Variants in COL5A3 observed in about 807,000 individuals in gnomAD.
COL5A3 encodes the protein collagen type V alpha 3 chain.
Under a neutral mutation model 250.0 loss-of-function variants are expected in COL5A3, and 172 were observed. The observed-to-expected ratio is 0.69, with a 90% confidence interval of 0.61 to 0.78. The LOEUF (loss-of-function observed/expected upper bound fraction) is 0.78, where lower values mean the gene tolerates loss of function less well. COL5A3 is among the 30% of genes least tolerant of loss of function. The pLI is 0.00. For synonymous variants in COL5A3, 937 were observed against 900.4 expected, an observed-to-expected ratio of 1.04 and a Z score of -0.73; for missense variants, 2,340 against 2,334.4, an observed-to-expected ratio of 1.00 and a Z score of -0.05.
Position 9,978,593 on chromosome 19 carries a change from G to T in COL5A3, c.2999C>A (p.Pro1000Gln), listed in dbSNP as rs150568367. ...PTGLKGDKGP[P>Q]GPVGANGSPG... ...ACTTACATTGGCCCCCACGGGCCCT[G>T]GGGGGCCCTTATCACCCTTTAAGCC... The change falls in exon 41 of 67, where the codon CCA becomes CAA. Residue 1000 changes from proline (P) to glutamine (Q), a missense_variant. By Grantham distance (76) the Pro-to-Gln change is moderately conservative. Around this residue, in one of 3 missense-constraint regions of COL5A3, gnomAD observed 1,179 missense variants for 1,162.6 expected, o/e 1.01. Coordinates refer to ENST00000264828, the MANE Select transcript of COL5A3 (RefSeq NM_015719.4). The T allele has an allele frequency of 1.9e-4, 293 of 1,577,392 alleles. 2 individuals carry two copies. The African/African-American group carries it at 3.7e-3, about 20-fold the overall frequency.
intron 45 of COL5A3, among the ~76,000 whole-genome samples, 184 bp downstream of exon 45, chr19:9,976,374 C>T (rs539029716): frequency 7.1e-6 from 1 of 141,512 alleles, no homozygotes; most frequent in African/African-American, 2.6e-5. Context: ...ATTGAGGGGA[C>T]AACATGGTTG....
intron 37 of COL5A3, 28 bp downstream of exon 37, chr19:9,979,811 A>G (rs978364148): frequency 6.4e-7 from 1 of 1,558,816 alleles, no homozygotes; most frequent in Non-Finnish European, 8.7e-7. Flanking sequence ...AAAAAGGATC[A>G]GGAATCAAAG....
chr19:9,988,991 AC>A, intron 27 of COL5A3, 132 bp downstream of exon 27: 1 of 889,788 alleles, frequency 1.1e-6, no homozygotes, highest in South Asian at 1.4e-5. Context: ...GCAGCTCCAA[AC>A]CCCAGTCCCA....
intron 24 of COL5A3, among the ~76,000 whole-genome samples, chr19:9,990,630 T>C (rs1249471647): frequency 6.6e-6 from 1 of 151,802 alleles, no homozygotes; most frequent in East Asian, 2.0e-4. Context: ...TGGCAAGATC[T>C]CGGCTCACTG....
In COL5A3 at chr19:10,009,748, A is replaced by T. The variant is rs1481997780; in HGVS notation, c.88+550T>A. ...GTGGGTTCCCGAAGAGCACCCCCCA[A>T]TACTTGTCCCCACCCACCTTCATCC... On this transcript the variant is annotated intron_variant, in intron 1 of 66. Coordinates refer to ENST00000264828, the MANE Select transcript of COL5A3 (RefSeq NM_015719.4). This position sits in a 1 kb window ranked among gnomAD's most constrained non-coding sequence, Gnocchi z 4.4. Among the ~76,000 whole-genome samples, 1 of 152,048 alleles carries T rather than the reference A, an allele frequency of 6.6e-6. No homozygotes were observed. Among genetic ancestry groups the T allele is most frequent in the African/African-American group, 2.4e-5 (1 of 41,394 alleles).
chr19:9,981,061 G>T (rs1420876879), intron 33 of COL5A3, 27 bp downstream of exon 33: 7 of 1,610,984 alleles, frequency 4.3e-6, no homozygotes, highest in Non-Finnish European at 5.1e-6. Context: ...GTCCCAGCAG[G>T]GTAGGGGGCA....
chr19:9,967,736 G>T, intron 61 of COL5A3, 168 bp downstream of exon 61: 1 of 650,054 alleles, frequency 1.5e-6, no homozygotes, highest in Non-Finnish European at 2.5e-6. Flanking sequence ...ATAATTGATG[G>T]CATTTTGGAT....
rs1468198654 is a variant in COL5A3, at chr19:9,969,695, C to T, written c.3991-13G>A. ...GACCTGGCTCCCCCTGAAATGGACA[C>T]AGGCAAGGGAGGGGCCAGAGTCAGA... On this transcript the variant is annotated splice_polypyrimidine_tract_variant and intron_variant, in intron 55 of 66. Coordinates refer to ENST00000264828, the MANE Select transcript of COL5A3 (RefSeq NM_015719.4). 3.2e-6 allele frequency: 5 copies of T among 1,587,280 alleles called. No homozygotes were observed. In the South Asian group the frequency reaches 5.7e-5, roughly 18 times the overall value.
At position 9,991,982 on chromosome 19, in the gene COL5A3, T is replaced by C. The variant is rs2087199658; in HGVS notation, c.1893+22A>G. 3.7e-6 allele frequency: 6 copies of C among 1,606,500 alleles called. No homozygotes were observed. In the Admixed American group the frequency reaches 6.7e-5, roughly 18 times the overall value. The stretch of plus-strand genomic sequence containing the variant: ...GTCAGAGTGTCAGAAGGGTCAGAGG[T>C]CAAAGGGCACAGGGCACATACCACA... On this transcript the variant is annotated intron_variant, in intron 22 of 66. Transcript: ENST00000264828.
Position 9,968,952 on chromosome 19 carries a change from C to A in COL5A3, c.4153-224G>T. On this transcript the variant is annotated intron_variant, in intron 57 of 66. Transcript: ENST00000264828. This position sits in a 1 kb window ranked among gnomAD's most constrained non-coding sequence, Gnocchi z 4.1. The stretch of plus-strand genomic sequence containing the variant: ...GTGAGTGGTCAGTGGCCAAGGTCAG[C>A]GTGGGTGATCAGTGTAGACCATTAA... 1.6e-6 allele frequency: 1 copy of A among 619,114 alleles called. No individual in the cohort carries two copies. The highest frequency in any genetic ancestry group is 2.8e-6 in the Non-Finnish European group (1 of 351,298). The allele number at this position is 619,114 out of a possible 1,614,324, so 38.4% of individuals were successfully genotyped here. A position where few individuals can be genotyped will look rare whatever the true frequency, so the allele number is the denominator to read the frequency against.
chr19:9,980,616 A>G (rs1158633697), intron 35 of COL5A3, 32 bp downstream of exon 35: 9 of 1,551,788 alleles, frequency 5.8e-6, no homozygotes, highest in Non-Finnish European at 7.8e-6. Context: ...ACACACACAC[A>G]TTCACACACA....
chr19:10,010,355 G>T lies in COL5A3; in HGVS notation c.31C>A (p.Arg11=). ...GCCAGGAGCAGGCAGAGACCGGCCCGCGGCTGGCCCAGGTCCCGGCGGTTC... is the reference window on the plus strand; with the variant it reads ...GCCAGGAGCAGGCAGAGACCGGCCCTCGGCTGGCCCAGGTCCCGGCGGTTC... MGNRRDLGQP[R]AGLCLLLAAL... The change falls in exon 1 of 67, where the codon CGG becomes AGG. Residue 11 remains arginine, a synonymous_variant. Transcript: ENST00000264828. The T allele has an allele frequency of 6.8e-7, 1 of 1,467,042 alleles. No individual in the cohort carries two copies. Among genetic ancestry groups the T allele is most frequent in the Non-Finnish European group, 9.0e-7 (1 of 1,105,514 alleles). 90.9% of individuals were successfully genotyped at this position (1,467,042 alleles called of 1,614,324 possible).
At chr19:10,005,323 C>T (rs2087426090) in intron 4 of COL5A3, among the ~76,000 whole-genome samples, 1 of 150,076 alleles carries the variant, frequency 6.7e-6, no homozygotes, top group African/African-American at 2.5e-5. Flanking sequence ...GCACTCCAGC[C>T]TGGGTGACAG....
At chr19:9,978,459 A>T in intron 41 of COL5A3, 115 bp downstream of exon 41, 1 of 720,510 alleles carries the variant, frequency 1.4e-6, no homozygotes, top group East Asian at 2.9e-5. Flanking sequence ...CCTGACCTCA[A>T]GTGATCTGCC....
chr19:9,983,703 GAAA>G (rs774084731), intron 31 of COL5A3, among the ~76,000 whole-genome samples: 2 of 144,452 alleles, frequency 1.4e-5, no homozygotes, highest in East Asian at 4.1e-4. Context: ...GAAAGAAAGA[GAAA>G]AAAGAAGGAA....
In COL5A3 at chr19:9,968,434, T is replaced by G. The variant is rs1279262402; in HGVS notation, c.4265A>C (p.Asp1422Ala). Residue 1422 changes from aspartate to alanine, a missense_variant, in exon 59 of 67, where the codon GAT (aspartate) becomes GCT (alanine). Asp to Ala is a moderately radical substitution (Grantham distance 126). Around this residue, in one of 3 missense-constraint regions of COL5A3, gnomAD observed 1,179 missense variants for 1,162.6 expected, o/e 1.01. Transcript: ENST00000264828. The surrounding 1 kb of genome is among the most constrained non-coding windows in gnomAD (Gnocchi z 4.1). ...TCCCTGCACGCCTGGCAACCCCTGA[T>G]CTCCTTTCTCACCAGCTTCTCCCGG... is the stretch of plus-strand genomic sequence containing the variant. ...GPPGEAGEKG[D>A]QGLPGVQGPP... 3 of 1,590,568 alleles carry G rather than the reference T, an allele frequency of 1.9e-6. No individual in the cohort carries two copies. The African/African-American group carries it at 4.1e-5, about 22-fold the overall frequency.
intron 8 of COL5A3, among the ~76,000 whole-genome samples, chr19:9,999,536 C>G (rs1271859772): frequency 1.4e-5 from 2 of 144,168 alleles, no homozygotes; most frequent in Non-Finnish European, 3.0e-5. Context: ...GGCGTGGTCT[C>G]GGCTTGCTGC....
chr19:9,988,530 G>A (rs1317549461), intron 27 of COL5A3, among the ~76,000 whole-genome samples: 1 of 151,868 alleles, frequency 6.6e-6, no homozygotes, highest in East Asian at 1.9e-4. Flanking sequence ...TCTGAGCTTG[G>A]GTTAGAACAC....
chr19:9,974,146 C>T, intron 47 of COL5A3, 25 bp downstream of exon 47: 1 of 1,610,416 alleles, frequency 6.2e-7, no homozygotes. Context: ...TCCTCCCCCT[C>T]CCACCTTCCT....
Sources: gnomAD v4.1 joint callset for allele counts (sites outside exome capture counted in the v4.1 genomes callset) on GRCh38, gnomAD v4.1.1 for gene constraint, gnomAD v4.1.1 regional missense constraint, Gnocchi (gnomAD v3.1) non-coding constraint, MANE v1.5 for transcripts, NCBI Gene and HGNC (gene_info 2026-07-23, HGNC 2026-07-21) for gene names.